The following TSPAN2 variants were observed in gnomAD, a reference collection of about 807,000 sequenced individuals.
TSPAN2 encodes tetraspanin 2.
In TSPAN2, 24 loss-of-function variants were observed where a neutral mutation model predicts 33.3. The observed-to-expected ratio is 0.72, with a 90% CI of 0.52 to 1.01. The LOEUF (loss-of-function observed/expected upper bound fraction) is 1.01, where lower values mean the gene tolerates loss of function less well. Among genes scored for constraint, TSPAN2 ranks in the 50% least tolerant of loss-of-function variants. TSPAN2 has a pLI of 0.00. For missense variants in TSPAN2, 278 were observed against 281.3 expected (o/e 0.99, Z 0.08); for synonymous variants, 114 against 104.5 (o/e 1.09, Z -0.56).
chr1:115,064,879 A>G (rs1647883272), intron 2 of TSPAN2, among the ~76,000 whole-genome samples: 1 of 152,230 alleles, frequency 6.6e-6, no homozygotes, highest in African/African-American at 2.4e-5. Flanking sequence ...GGACAGGGGC[A>G]CAGAGGTTTG....
chr1:115,078,625 C>T (rs1266024582), intron 1 of TSPAN2, among the ~76,000 whole-genome samples: 1 of 152,158 alleles, frequency 6.6e-6, no homozygotes, highest in Admixed American at 6.5e-5. Context: ...AAGAAGGTAG[C>T]TGTCCACAAG....
rs1675210827 is a variant in TSPAN2, at chr1:115,048,252, A to T, written c.*2238T>A. On this transcript the variant is annotated 3_prime_UTR_variant, in exon 8 of 8. Transcript: ENST00000369516. ...TATATACATATAAAGATATTTGTAGATTCAAGATATATAGGGATTATATAT... is the reference window on the plus strand; with the variant it reads ...TATATACATATAAAGATATTTGTAGTTTCAAGATATATAGGGATTATATAT... The T allele has an allele frequency of 6.7e-6, 1 of 149,550 alleles. No homozygotes were observed. The highest frequency in any genetic ancestry group is 1.5e-5 in the Non-Finnish European group (1 of 67,392). The allele number at this position is 149,550 out of a possible 1,614,324, so 9.3% of individuals were successfully genotyped here. A position where few individuals can be genotyped will look rare whatever the true frequency, so the allele number is the denominator to read the frequency against.
chr1:115,060,556 T>C lies in TSPAN2; in HGVS notation c.271-18A>G. On this transcript the variant is annotated intron_variant, in intron 3 of 7. Transcript: ENST00000369516. ...GTAAAAAACTGTAGAGGAGAGAAAA[T>C]ACTAATTTCATTAATTTAATACCTT... The C allele has an allele frequency of 6.3e-7, 1 of 1,594,142 alleles. No individual in the cohort carries two copies. The highest frequency in any genetic ancestry group is 1.3e-5 in the African/African-American group (1 of 74,350).
chr1:115,074,858 G>A lies in TSPAN2; in HGVS notation c.70-1851C>T, dbSNP rs539202521. Among the ~76,000 whole-genome samples the A allele has an allele frequency of 3.4e-4, 51 of 152,216 alleles. 1 individual carries two copies. In the South Asian group the frequency reaches 1.0e-2, roughly 30 times the overall value. On this transcript the variant is annotated intron_variant, in intron 1 of 7. Coordinates refer to ENST00000369516, the MANE Select transcript of TSPAN2 (RefSeq NM_005725.6). ...TGTAGGAAAGAGAGCAATGCCCTTG[G>A]TCAATCACCTAGGTTCCTCCTAGAA...
At chr1:115,077,090 T>C (rs768159008) in intron 1 of TSPAN2, among the ~76,000 whole-genome samples, 1 of 152,060 alleles carries the variant, frequency 6.6e-6, no homozygotes, top group Non-Finnish European at 1.5e-5. Context: ...AGCTAATTTT[T>C]GTATTTTTTG....
At position 115,048,424 on chromosome 1, in the gene TSPAN2, T is replaced by C. The variant is rs1480844838; in HGVS notation, c.*2066A>G. 6.6e-6 allele frequency: 1 copy of C among 151,766 alleles called. No homozygotes were observed. Among genetic ancestry groups the C allele is most frequent in the Non-Finnish European group, 1.5e-5 (1 of 67,822 alleles). The allele number at this position is 151,766 out of a possible 1,614,324, so 9.4% of individuals were successfully genotyped here. A position where few individuals can be genotyped will look rare whatever the true frequency, so the allele number is the denominator to read the frequency against. On this transcript the variant is annotated 3_prime_UTR_variant, in exon 8 of 8. Coordinates refer to ENST00000369516, the MANE Select transcript of TSPAN2 (RefSeq NM_005725.6). ...TCTAATTTTACTCATACGCATATTT[T>C]GGAAAGCTTATCTCCAAAAGGGGCA...
intron 1 of TSPAN2, among the ~76,000 whole-genome samples, chr1:115,085,804 C>G (rs1648810346): frequency 6.6e-6 from 1 of 152,130 alleles, no homozygotes; most frequent in African/African-American, 2.4e-5. Flanking sequence ...TGCCTCTTCG[C>G]TCTAGTTGCT....
At chr1:115,053,942 A>G (rs1241532027) in intron 6 of TSPAN2, among the ~76,000 whole-genome samples, 1 of 152,242 alleles carries the variant, frequency 6.6e-6, no homozygotes, top group Non-Finnish European at 1.5e-5. Flanking sequence ...TTCAAGTTAA[A>G]CAAAGGAAAG....
chr1:115,087,442 C>T (rs562574884), intron 1 of TSPAN2, among the ~76,000 whole-genome samples: 12 of 151,642 alleles, frequency 7.9e-5, no homozygotes, highest in South Asian at 4.2e-4. Context: ...GGTAAAATCC[C>T]GTCTGTACTA....
At chr1:115,077,168 C>T (rs1171501285) in intron 1 of TSPAN2, among the ~76,000 whole-genome samples, 1 of 152,078 alleles carries the variant, frequency 6.6e-6, no homozygotes, top group African/African-American at 2.4e-5. Context: ...ATCTGCTCAC[C>T]TCAGCCTCTC....
intron 4 of TSPAN2, among the ~76,000 whole-genome samples, chr1:115,059,638 A>T (rs1012790273): frequency 6.6e-6 from 1 of 152,254 alleles, no homozygotes; most frequent in Non-Finnish European, 1.5e-5. Flanking sequence ...TAAAGCTTAG[A>T]GAATGCTTTT....
intron 1 of TSPAN2, among the ~76,000 whole-genome samples, chr1:115,076,160 G>T (rs57026899): frequency 0.17 from 25,705 of 152,168 alleles, 2,598 homozygotes; most frequent in Non-Finnish European, 0.22. Context: ...TTTACATCTT[G>T]AAGAATGAGT....
rs1675278500 is a variant in TSPAN2 at position 115,050,323 on chromosome 1, G to C, written c.*167C>G. 2 of 673,092 alleles carry C rather than the reference G, an allele frequency of 3.0e-6. No individual in the cohort carries two copies. Among genetic ancestry groups the C allele is most frequent in the Admixed American group, 2.6e-5 (1 of 38,432 alleles). 41.7% of individuals were successfully genotyped at this position (673,092 alleles called of 1,614,324 possible). A position where few individuals can be genotyped will look rare whatever the true frequency, so the allele number is the denominator to read the frequency against. ...TCATCATAAACAGGCATTCACTCAA[G>C]GGGTAAACCAGTAATGAGCCAAACA... is the stretch of plus-strand genomic sequence containing the variant. On this transcript the variant is annotated 3_prime_UTR_variant, in exon 8 of 8. Coordinates refer to ENST00000369516, the MANE Select transcript of TSPAN2 (RefSeq NM_005725.6).
chr1:115,054,033 T>A (rs1382545720), intron 6 of TSPAN2, among the ~76,000 whole-genome samples: 1 of 152,058 alleles, frequency 6.6e-6, no homozygotes, highest in Non-Finnish European at 1.5e-5. Flanking sequence ...GCTGGGTGAG[T>A]TCCTATCCTT....
intron 6 of TSPAN2, among the ~76,000 whole-genome samples, chr1:115,056,658 G>A (rs1647441126): frequency 1.3e-5 from 2 of 152,080 alleles, no homozygotes; most frequent in African/African-American, 2.4e-5. Context: ...TCCTAAGTGC[G>A]TTTCCCTCTG....
intron 1 of TSPAN2, among the ~76,000 whole-genome samples, chr1:115,088,741 C>G (rs1195218449): frequency 6.6e-6 from 1 of 152,002 alleles, no homozygotes; most frequent in Non-Finnish European, 1.5e-5. Flanking sequence ...TTCCCCATCC[C>G]CTTCTCAGAA....
intron 6 of TSPAN2, 95 bp downstream of exon 6, chr1:115,057,442 A>T: frequency 8.1e-7 from 1 of 1,231,836 alleles, no homozygotes; most frequent in Non-Finnish European, 1.2e-6. Context: ...CAAATTCAGT[A>T]AAATGCAGAT....
In TSPAN2 at chr1:115,048,278, C is replaced by T. The variant is rs903227160; in HGVS notation, c.*2212G>A. ...TTCAAGATATATAGGGATTATATATCTATATATATTATATGTGTGTCTATA... is the reference window on the plus strand; with the variant it reads ...TTCAAGATATATAGGGATTATATATTTATATATATTATATGTGTGTCTATA... On this transcript the variant is annotated 3_prime_UTR_variant, in exon 8 of 8. Coordinates refer to ENST00000369516, the MANE Select transcript of TSPAN2 (RefSeq NM_005725.6). 5 of 119,962 alleles carry T rather than the reference C, an allele frequency of 4.2e-5. No homozygotes were observed. Among genetic ancestry groups the T allele is most frequent in the Non-Finnish European group, 8.6e-5 (5 of 58,396 alleles). 7.4% of individuals were successfully genotyped at this position (119,962 alleles called of 1,614,324 possible).
At chr1:115,057,958 G>A (rs1647501942) in intron 5 of TSPAN2, among the ~76,000 whole-genome samples, 1 of 152,164 alleles carries the variant, frequency 6.6e-6, no homozygotes, top group South Asian at 2.1e-4. Flanking sequence ...ACCTGCTGAG[G>A]AGCTCAAGTT....
Sources: allele counts gnomAD v4.1 joint callset (sites outside exome capture counted in the v4.1 genomes callset), GRCh38; gene constraint gnomAD v4.1.1; transcripts MANE v1.5; gene names NCBI Gene and HGNC (gene_info 2026-07-23, HGNC 2026-07-21).